Variants in EYS observed in about 807,000 individuals in gnomAD.
EYS encodes EGF-like photoreceptor maintenance factor.
In EYS, 250 loss-of-function variants were observed where a neutral mutation model predicts 282.1. The ratio of observed to expected loss-of-function variants is 0.89; its 90% CI spans 0.80 to 0.98. The LOEUF (loss-of-function observed/expected upper bound fraction) is 0.98, where lower values mean the gene tolerates loss of function less well. Ranked by LOEUF, EYS falls within the 50% of genes least tolerant of loss-of-function variation. The pLI, the probability that EYS is intolerant of heterozygous loss-of-function variation, is 0.00. For missense variants in EYS, 4,016 were observed against 3,709.0 expected, an observed-to-expected ratio of 1.08 and a Z score of -2.15; for synonymous variants, 1,355 against 1,282.9, an observed-to-expected ratio of 1.06 and a Z score of -1.20.
At chr6:64,839,812 G>A (rs1461690392) in intron 19 of EYS, among the ~76,000 whole-genome samples, 2 of 151,944 alleles carry the variant, frequency 1.3e-5, no homozygotes, top group Non-Finnish European at 2.9e-5. Flanking sequence ...AGGGATGGAA[G>A]GACAAATAGG....
At chr6:64,308,439 A>T (rs1769541457) in intron 29 of EYS, among the ~76,000 whole-genome samples, 1 of 152,084 alleles carries the variant, frequency 6.6e-6, no homozygotes, top group African/African-American at 2.4e-5. Flanking sequence ...ACAGCTCAGA[A>T]TTTAATAGTT....
Position 65,386,351 on chromosome 6 carries a change from C to T in EYS, c.1185-1851G>A, listed in dbSNP as rs185747246. Among the ~76,000 whole-genome samples the T allele has an allele frequency of 2.3e-4, 35 of 151,922 alleles. No individual in the cohort carries two copies. The East Asian group carries it at 6.6e-3, about 29-fold the overall frequency. On this transcript the variant is annotated intron_variant, in intron 7 of 42. Transcript: ENST00000503581. ...TAAAATAATCTGCACAACAAATCCC[C>T]ATGACCCAAGTTTACCTATGTAAGA... is the stretch of plus-strand genomic sequence containing the variant.
chr6:65,552,429 T>C (rs145840588), intron 2 of EYS, among the ~76,000 whole-genome samples: 23 of 152,312 alleles, frequency 1.5e-4, no homozygotes, highest in Non-Finnish European at 2.5e-4. Flanking sequence ...GTAATCATTA[T>C]ACTTAACATG....
At chr6:65,131,886 G>A (rs1025872594) in intron 12 of EYS, among the ~76,000 whole-genome samples, 1 of 151,750 alleles carries the variant, frequency 6.6e-6, no homozygotes, top group Admixed American at 6.6e-5. Context: ...CAAAGGAGTT[G>A]TTACCACTGA....
intron 12 of EYS, among the ~76,000 whole-genome samples, chr6:65,142,402 T>C (rs1185270059): frequency 6.6e-6 from 1 of 151,686 alleles, no homozygotes; most frequent in Non-Finnish European, 1.5e-5. Context: ...TCAGTAGATC[T>C]TTGTTGTGAT....
intron 31 of EYS, among the ~76,000 whole-genome samples, chr6:64,111,588 T>C (rs182713252): frequency 6.6e-6 from 1 of 152,158 alleles, no homozygotes; most frequent in African/African-American, 2.4e-5. Context: ...AGATTGAAAA[T>C]AGTCATTGTG....
chr6:65,000,184 C>G (rs1376272151), intron 13 of EYS, among the ~76,000 whole-genome samples: 1 of 152,142 alleles, frequency 6.6e-6, no homozygotes, highest in Non-Finnish European at 1.5e-5. Context: ...CCTGTCTATA[C>G]GTTCCGCTAG....
At chr6:64,691,110 T>G (rs1770366016) in intron 22 of EYS, among the ~76,000 whole-genome samples, 1 of 152,178 alleles carries the variant, frequency 6.6e-6, no homozygotes, top group African/African-American at 2.4e-5. Context: ...ATTCATGATT[T>G]AAATAACTAT....
intron 19 of EYS, among the ~76,000 whole-genome samples, chr6:64,875,582 C>T (rs1172561744): frequency 6.6e-6 from 1 of 151,992 alleles, no homozygotes; most frequent in Non-Finnish European, 1.5e-5. Flanking sequence ...ACATAGGAGC[C>T]ATCCATGTAT....
intron 33 of EYS, among the ~76,000 whole-genome samples, chr6:64,023,617 A>T (rs897796664): frequency 3.3e-5 from 5 of 152,216 alleles, no homozygotes; most frequent in Admixed American, 6.5e-5. Context: ...ATTGAGAGGC[A>T]ACAGTGTGCG....
intron 16 of EYS, among the ~76,000 whole-genome samples, chr6:64,908,652 A>C (rs1767902970): frequency 6.6e-6 from 1 of 152,096 alleles, no homozygotes; most frequent in South Asian, 2.1e-4. Flanking sequence ...CAGGAAGGAC[A>C]GGTCGTCTTC....
At chr6:64,768,374 G>C (rs1405117344) in intron 22 of EYS, among the ~76,000 whole-genome samples, 1 of 152,118 alleles carries the variant, frequency 6.6e-6, no homozygotes, top group East Asian at 1.9e-4. Flanking sequence ...TATTTAGCAA[G>C]AGGAATACTC....
chr6:64,455,630 G>A (rs1049683714), intron 26 of EYS, among the ~76,000 whole-genome samples: 7 of 151,896 alleles, frequency 4.6e-5, no homozygotes, highest in African/African-American at 1.7e-4. Context: ...ACAAGACCTG[G>A]TGTGTGATAT....
At chr6:63,979,029 A>G (rs1406275459) in intron 35 of EYS, among the ~76,000 whole-genome samples, 1 of 151,960 alleles carries the variant, frequency 6.6e-6, no homozygotes, top group East Asian at 1.9e-4. Flanking sequence ...CTTGCTTAAT[A>G]TGGAAAAATT....
intron 12 of EYS, among the ~76,000 whole-genome samples, chr6:65,137,379 T>C (rs1163776611): frequency 1.3e-5 from 2 of 152,030 alleles, no homozygotes; most frequent in East Asian, 1.9e-4. Flanking sequence ...CGTGAAGAAA[T>C]GAGACCATTT....
chr6:65,156,533 A>C (rs1380842681), intron 12 of EYS, among the ~76,000 whole-genome samples: 2 of 151,056 alleles, frequency 1.3e-5, no homozygotes, highest in Non-Finnish European at 3.0e-5. Context: ...AAATTTGACC[A>C]TATAATCATT....
intron 35 of EYS, among the ~76,000 whole-genome samples, chr6:63,903,777 G>A (rs1225108028): frequency 6.6e-6 from 1 of 152,154 alleles, no homozygotes; most frequent in African/African-American, 2.4e-5. Context: ...TTGATGGAAC[G>A]CAGACAGGAG....
intron 29 of EYS, among the ~76,000 whole-genome samples, chr6:64,385,626 G>C (rs892171490): frequency 6.6e-6 from 1 of 151,972 alleles, no homozygotes; most frequent in Non-Finnish European, 1.5e-5. Context: ...AAAGTCTTTC[G>C]AAATTTAGTC....
chr6:65,696,219 G>T (rs958818238), intron 1 of EYS, among the ~76,000 whole-genome samples: 5 of 151,684 alleles, frequency 3.3e-5, no homozygotes, highest in Admixed American at 6.6e-5. Context: ...ACATTTTCTG[G>T]CAAATTCTCA....
Sources: allele counts gnomAD v4.1 joint callset (sites outside exome capture counted in the v4.1 genomes callset), GRCh38; gene constraint gnomAD v4.1.1; transcripts MANE v1.5; gene names NCBI Gene and HGNC (gene_info 2026-07-23, HGNC 2026-07-21).